Variants in RBFOX1 observed in about 807,000 individuals in gnomAD.
RBFOX1 encodes RNA binding fox-1 homolog 1.
Under a neutral mutation model 57.7 loss-of-function variants are expected in RBFOX1, and 8 were observed. The ratio of observed to expected loss-of-function variants is 0.14; its 90% CI spans 0.08 to 0.25. The LOEUF (loss-of-function observed/expected upper bound fraction) is 0.25. Ranked by LOEUF, RBFOX1 falls within the 10% of genes least tolerant of loss-of-function variation. The probability of loss-of-function intolerance (pLI) is 1.00; values close to 1 mark genes in which losing one functional copy is unlikely to be tolerated. For missense variants in RBFOX1, 611 were observed against 548.5 expected (o/e 1.11, Z -1.14); for synonymous variants, 326 against 222.4 (o/e 1.47, Z -4.15).
intron 4 of RBFOX1, among the ~76,000 whole-genome samples, chr16:7,333,586 G>A (rs1486706470): frequency 6.6e-6 from 1 of 152,190 alleles, no homozygotes; most frequent in African/African-American, 2.4e-5. Flanking sequence ...ACTGAGGCAA[G>A]AAGGAACACT....
At chr16:6,683,842 C>A (rs867984704) in intron 3 of RBFOX1, among the ~76,000 whole-genome samples, 2 of 152,170 alleles carry the variant, frequency 1.3e-5, no homozygotes, top group Non-Finnish European at 2.9e-5. Context: ...GGTTTTGTAA[C>A]TTTGAAGCCT....
chr16:6,826,045 TCCACGTTCATTGCCCAGGTCCC>T (rs762320221), intron 3 of RBFOX1, among the ~76,000 whole-genome samples: 55 of 152,108 alleles, frequency 3.6e-4, no homozygotes, highest in Non-Finnish European at 6.2e-4. Flanking sequence ...GCAGAGGTGG[TCCACGTTCATTGCCCAGGTCCC>T]CCACGTTCAT....
chr16:5,537,654 C>T (rs1597442481), intron 2 of RBFOX1, among the ~76,000 whole-genome samples: 1 of 152,282 alleles, frequency 6.6e-6, no homozygotes, highest in East Asian at 1.9e-4. Context: ...TAGTCCTTGG[C>T]TAGTAACCTC....
chr16:7,543,667 C>CTGTGTGTGTGTGTG (rs71150310), intron 5 of RBFOX1, among the ~76,000 whole-genome samples: 2 of 141,434 alleles, frequency 1.4e-5, no homozygotes, highest in East Asian at 4.3e-4. Context: ...TGGGCAGTAT[C>CTGTGTGTGTGTGTG]TGTGTGTGTG....
rs116096277 is a variant in RBFOX1, at chr16:6,503,255, A to G, written c.-63-151348A>G. ...AATAAATCTTAAGCACAGCCCCCAA[A>G]TATCTATACTTATCTATGGGCAGTC... On this transcript the variant is annotated intron_variant, in intron 2 of 15. Transcript: ENST00000550418. 6.7e-3 allele frequency among the ~76,000 whole-genome samples: 1,015 copies of G among 152,268 alleles called. 9 individuals are homozygous for G. Among genetic ancestry groups the G allele is most frequent in the African/African-American group, 0.023 (956 of 41,538 alleles).
intron 2 of RBFOX1, among the ~76,000 whole-genome samples, chr16:5,569,467 T>TTTTTTTTTTTTTTTTG (rs1567240836): frequency 1.2e-5 from 1 of 83,428 alleles, no homozygotes; most frequent in Non-Finnish European, 2.4e-5. Flanking sequence ...TTTTTTTTTT[T>TTTTTTTTTTTTTTTTG]CTTCTTCTTT....
chr16:5,895,309 A>G (rs1200361697), intron 4 of RBFOX1, among the ~76,000 whole-genome samples: 1 of 152,210 alleles, frequency 6.6e-6, no homozygotes, highest in Non-Finnish European at 1.5e-5. Context: ...GAACTTGTAG[A>G]AAATCCCAGG....
intron 2 of RBFOX1, among the ~76,000 whole-genome samples, chr16:6,324,108 G>A (rs929704451): frequency 2.6e-5 from 4 of 152,128 alleles, no homozygotes; most frequent in Non-Finnish European, 1.5e-5. Context: ...CACCTTAATA[G>A]TATTCATTAA....
intron 4 of RBFOX1, among the ~76,000 whole-genome samples, chr16:7,336,522 T>C (rs6500949): frequency 0.41 from 61,768 of 152,190 alleles, 15,433 homozygotes; most frequent in African/African-American, 0.71. Context: ...CCATTCACTG[T>C]ATACTCAACC....
At chr16:5,322,683 G>C (rs1456387539) in intron 1 of RBFOX1, among the ~76,000 whole-genome samples, 1 of 152,110 alleles carries the variant, frequency 6.6e-6, no homozygotes, top group African/African-American at 2.4e-5. Context: ...TGGTTCCTAT[G>C]ACACCTCCCC....
intron 4 of RBFOX1, among the ~76,000 whole-genome samples, chr16:7,399,462 A>G (rs1022658695): frequency 4.6e-5 from 7 of 152,210 alleles, no homozygotes; most frequent in African/African-American, 1.7e-4. Context: ...AAATAAATAA[A>G]TGAATAAATA....
At chr16:6,681,027 T>A (rs944669496) in intron 3 of RBFOX1, among the ~76,000 whole-genome samples, 1 of 152,162 alleles carries the variant, frequency 6.6e-6, no homozygotes, top group African/African-American at 2.4e-5. Flanking sequence ...GAAATCTGTT[T>A]AGGCTGGGCA....
intron 3 of RBFOX1, among the ~76,000 whole-genome samples, chr16:6,945,305 G>C (rs938005030): frequency 2.6e-5 from 4 of 152,060 alleles, no homozygotes; most frequent in African/African-American, 7.3e-5. Flanking sequence ...TGTACACTAG[G>C]GGTCTCAAAC....
chr16:7,367,052 C>A (rs2097464998), intron 4 of RBFOX1, among the ~76,000 whole-genome samples: 1 of 151,912 alleles, frequency 6.6e-6, no homozygotes, highest in Non-Finnish European at 1.5e-5. Context: ...CCCCCAAACC[C>A]CCCAGTTTTT....
At chr16:7,245,674 T>G (rs1282791917) in intron 4 of RBFOX1, among the ~76,000 whole-genome samples, 1 of 152,252 alleles carries the variant, frequency 6.6e-6, no homozygotes, top group Non-Finnish European at 1.5e-5. Flanking sequence ...TGTTTTTGTT[T>G]GTTTGTTTGT....
intron 2 of RBFOX1, among the ~76,000 whole-genome samples, chr16:5,536,920 C>G (rs573580102): frequency 2.0e-5 from 3 of 152,154 alleles, no homozygotes; most frequent in Non-Finnish European, 4.4e-5. Flanking sequence ...GGAAAATGGG[C>G]TGGTTTACAT....
intron 14 of RBFOX1, among the ~76,000 whole-genome samples, chr16:7,707,989 G>A (rs561456833): frequency 2.0e-5 from 3 of 152,274 alleles, no homozygotes. Context: ...ATATCTGGCA[G>A]GGCAAACAAG....
At chr16:5,261,674 T>C (rs2062737329) in intron 1 of RBFOX1, among the ~76,000 whole-genome samples, 1 of 150,962 alleles carries the variant, frequency 6.6e-6, no homozygotes, top group Admixed American at 6.6e-5. Flanking sequence ...CTCAGCCTCC[T>C]GAGTAGCTGG....
chr16:6,482,025 T>C (rs1470100327), intron 2 of RBFOX1, among the ~76,000 whole-genome samples: 3 of 152,226 alleles, frequency 2.0e-5, no homozygotes, highest in Non-Finnish European at 4.4e-5. Context: ...ATATTGCCTC[T>C]AGATATGAAG....
Sources: gnomAD v4.1 joint callset for allele counts (sites outside exome capture counted in the v4.1 genomes callset) on GRCh38, gnomAD v4.1.1 for gene constraint, MANE v1.5 for transcripts, NCBI Gene and HGNC (gene_info 2026-07-23, HGNC 2026-07-21) for gene names.